KLHL7: variants seen among roughly 807,000 people sequenced by gnomAD.
The protein encoded by KLHL7 is kelch-like protein 7.
A neutral mutation model predicts 67.4 loss-of-function variants in KLHL7; 44 were observed. That is an observed-to-expected ratio of 0.65 (90% CI 0.51 to 0.84). The LOEUF is 0.84. Among genes scored for constraint, KLHL7 ranks in the 40% least tolerant of loss-of-function variants. KLHL7 has a pLI of 0.00. For missense variants in KLHL7, 362 were observed against 718.1 expected, an observed-to-expected ratio of 0.50 and a Z score of 5.67; for synonymous variants, 252 against 243.3, an observed-to-expected ratio of 1.04 and a Z score of -0.33.
chr7:23,166,442 C>G (rs60669945), intron 8 of KLHL7, among the ~76,000 whole-genome samples: 3,397 of 152,062 alleles, frequency 0.022, 119 homozygotes, highest in African/African-American at 0.077. Context: ...GATATAAAAA[C>G]CTTATTGGAT....
At chr7:23,117,867 C>G (rs759106570) in intron 1 of KLHL7, 1 of 1,613,530 alleles carries the variant, frequency 6.2e-7, no homozygotes, top group Non-Finnish European at 8.5e-7. Flanking sequence ...GTAGTTGAAT[C>G]TACAATCTGC....
At chr7:23,153,738 T>C (rs1425919787) in intron 7 of KLHL7, among the ~76,000 whole-genome samples, 2 of 152,244 alleles carry the variant, frequency 1.3e-5, no homozygotes, top group Non-Finnish European at 2.9e-5. Flanking sequence ...TCACAGGCAG[T>C]TGAGCCATAC....
intron 1 of KLHL7, among the ~76,000 whole-genome samples, chr7:23,112,388 T>C (rs1562548806): frequency 6.6e-6 from 1 of 152,196 alleles, no homozygotes; most frequent in Non-Finnish European, 1.5e-5. Context: ...TGGAAAGTTG[T>C]GGGTTAGATG....
Position 23,152,199 on chromosome 7 carries a change from T to C in KLHL7, c.926T>C (p.Phe309Ser), listed in dbSNP as rs202114398. 1 of 1,613,908 alleles carries C rather than the reference T, an allele frequency of 6.2e-7. No individual in the cohort carries two copies. Among genetic ancestry groups the C allele is most frequent in the Admixed American group, 1.7e-5 (1 of 60,012 alleles). ...GGSQPQSCRY[F>S]NPKDYSWTDI... Reference sequence around the variant, plus strand: ...TCTCAACCACAGTCTTGTAGATATTTTAACCCAAAGGTAACTAATTTTTAT... The same window carrying C: ...TCTCAACCACAGTCTTGTAGATATTCTAACCCAAAGGTAACTAATTTTTAT... Residue 309 changes from phenylalanine (F) to serine (S), a missense_variant, in exon 7 of 11, where the codon TTT (phenylalanine) becomes TCT (serine). Around this residue, in one of 5 missense-constraint regions of KLHL7, gnomAD observed 155 missense variants for 280.8 expected, o/e 0.55. Transcript: ENST00000339077.
intron 7 of KLHL7, among the ~76,000 whole-genome samples, chr7:23,163,861 G>T (rs1292868404): frequency 6.6e-6 from 1 of 152,162 alleles, no homozygotes; most frequent in Non-Finnish European, 1.5e-5. Context: ...GCATGGAATA[G>T]ATACTCAGTA....
At chr7:23,126,294 T>G (rs957744033) in intron 4 of KLHL7, among the ~76,000 whole-genome samples, 1 of 152,144 alleles carries the variant, frequency 6.6e-6, no homozygotes, top group Non-Finnish European at 1.5e-5. Context: ...TTCAAACATA[T>G]GAATTGTTTG....
At position 23,121,470 on chromosome 7, in the gene KLHL7, A is replaced by AT. The variant is rs59152744; in HGVS notation, c.121-2297dup. On this transcript the variant is annotated intron_variant, in intron 1 of 10. Transcript: ENST00000339077. Reference sequence around the variant, plus strand: ...ACCACCACGCCTGGCTAATTTTTGTATTTTTTTTTTGTAGAGACAGAGTTT... The same window carrying AT: ...ACCACCACGCCTGGCTAATTTTTGTATTTTTTTTTTTGTAGAGACAGAGTTT... Among the ~76,000 whole-genome samples the AT allele has an allele frequency of 3.8e-3, 559 of 148,208 alleles. 3 individuals are homozygous for AT. The highest frequency in any genetic ancestry group is 0.012 in the African/African-American group (488 of 40,716).
At chr7:23,121,616 T>C (rs1199759599) in intron 1 of KLHL7, among the ~76,000 whole-genome samples, 1 of 151,506 alleles carries the variant, frequency 6.6e-6, no homozygotes, top group African/African-American at 2.4e-5. Flanking sequence ...TTCTTGTCTG[T>C]GGATATACCT....
At chr7:23,167,781 T>C in intron 8 of KLHL7, 55 bp from the exon 9 acceptor site, 1 of 1,535,458 alleles carries the variant, frequency 6.5e-7, no homozygotes. Context: ...GTCAGTTCTT[T>C]CCAAACCCCC....
intron 1 of KLHL7, among the ~76,000 whole-genome samples, chr7:23,122,035 T>C (rs191022088): frequency 2.0e-5 from 3 of 152,268 alleles, no homozygotes; most frequent in Non-Finnish European, 4.4e-5. Flanking sequence ...CAAATAAATG[T>C]ACCATTTGGA....
At chr7:23,108,122 G>A (rs533487613) in intron 1 of KLHL7, among the ~76,000 whole-genome samples, 1 of 152,238 alleles carries the variant, frequency 6.6e-6, no homozygotes, top group South Asian at 2.1e-4. Flanking sequence ...TTGCTTTAAG[G>A]ATCAGGATAA....
intron 7 of KLHL7, among the ~76,000 whole-genome samples, chr7:23,155,212 A>C (rs1313545629): frequency 6.6e-6 from 1 of 152,152 alleles, no homozygotes; most frequent in African/African-American, 2.4e-5. Flanking sequence ...GTGAGAATTC[A>C]TGGCCTGTGT....
chr7:23,149,378 A>G (rs889194429), intron 6 of KLHL7, among the ~76,000 whole-genome samples: 5 of 152,122 alleles, frequency 3.3e-5, no homozygotes, highest in African/African-American at 4.8e-5. Flanking sequence ...ATGGTCAGCC[A>G]CTTTTACCAC....
chr7:23,118,912 A>G (rs186941102), intron 1 of KLHL7, among the ~76,000 whole-genome samples: 77 of 152,162 alleles, frequency 5.1e-4, no homozygotes, highest in Admixed American at 9.8e-4. Context: ...TCTCTACAAA[A>G]GAAAAAAAAA....
chr7:23,172,000 C>T (rs976229541), intron 9 of KLHL7, among the ~76,000 whole-genome samples: 3 of 152,218 alleles, frequency 2.0e-5, no homozygotes, highest in African/African-American at 7.2e-5. Context: ...TGAACCACCG[C>T]GCCCGGCCGG....
chr7:23,139,536 C>T (rs149296832), intron 4 of KLHL7, among the ~76,000 whole-genome samples: 228 of 152,340 alleles, frequency 1.5e-3, no homozygotes, highest in African/African-American at 4.9e-3. Flanking sequence ...GAGCATCAAA[C>T]ATGTCATGGC....
chr7:23,154,732 T>C (rs1010534655), intron 7 of KLHL7, among the ~76,000 whole-genome samples: 25 of 152,186 alleles, frequency 1.6e-4, no homozygotes, highest in Non-Finnish European at 2.9e-4. Context: ...CCCTGCCAGC[T>C]GAAAAGGAAT....
At chr7:23,113,694 C>G (rs185369366) in intron 1 of KLHL7, among the ~76,000 whole-genome samples, 1 of 151,978 alleles carries the variant, frequency 6.6e-6, no homozygotes, top group Non-Finnish European at 1.5e-5. Flanking sequence ...AGCCGGGTGA[C>G]GCATGCCTGT....
chr7:23,129,393 A>G (rs1375451098), intron 4 of KLHL7: 1 of 388,018 alleles, frequency 2.6e-6, no homozygotes, highest in Non-Finnish European at 5.2e-6. Flanking sequence ...TGATGTTACG[A>G]CTCGGCTGGC....
Sources: allele counts gnomAD v4.1 joint callset (sites outside exome capture counted in the v4.1 genomes callset), GRCh38; gene constraint gnomAD v4.1.1; regional missense constraint gnomAD v4.1.1; transcripts MANE v1.5; gene names NCBI Gene and HGNC (gene_info 2026-07-23, HGNC 2026-07-21).